The following CLVS1 variants were observed in gnomAD, a reference collection of about 807,000 sequenced individuals.
CLVS1 encodes clavesin 1.
A neutral mutation model predicts 33.1 loss-of-function variants in CLVS1; 10 were observed. That is an observed-to-expected ratio of 0.30 (90% CI 0.19 to 0.51). CLVS1 has a LOEUF of 0.51. Among genes scored for constraint, CLVS1 ranks in the 20% least tolerant of loss-of-function variants. The pLI is 0.97. For missense variants in CLVS1, 343 were observed against 433.4 expected, an observed-to-expected ratio of 0.79 and a Z score of 1.85; for synonymous variants, 163 against 166.1, an observed-to-expected ratio of 0.98 and a Z score of 0.14.
intron 2 of CLVS1, among the ~76,000 whole-genome samples, chr8:61,194,195 T>C (rs1807553970): frequency 6.6e-6 from 1 of 152,086 alleles, no homozygotes; most frequent in Non-Finnish European, 1.5e-5. Context: ...GGTACATTTA[T>C]CCTAATGTAC....
Position 61,299,909 on chromosome 8 carries a change from G to C in CLVS1, c.82G>C (p.Ala28Pro). The change falls in exon 2 of 6, where the codon GCT becomes CCT. Residue 28 changes from alanine (A) to proline (P), a missense_variant. Transcript: ENST00000325897. The stretch of plus-strand genomic sequence containing the variant: ...TTTGGCCAAGATGACCCATTTACAG[G>C]CTGGACTCAGTCCAGAGACTATAGA... ...GDLAKMTHLQAGLSPETIEKA... is the reference protein window; with the variant it reads ...GDLAKMTHLQPGLSPETIEKA... 6.2e-7 allele frequency: 1 copy of C among 1,613,864 alleles called. No homozygotes were observed. The highest frequency in any genetic ancestry group is 8.5e-7 in the Non-Finnish European group (1 of 1,179,840).
the CLVS1 span, among the ~76,000 whole-genome samples, chr8:61,012,477 T>C: frequency 2.0e-5 from 3 of 152,244 alleles, no homozygotes; most frequent in African/African-American, 7.2e-5. Context: ...GTGAAGGAGA[T>C]ACAGCCCGAG....
At chr8:61,240,894 GT>G (rs549955338) in intron 2 of CLVS1, among the ~76,000 whole-genome samples, 283 of 130,562 alleles carry the variant, frequency 2.2e-3, no homozygotes, top group Admixed American at 2.3e-3. Flanking sequence ...TTTGCTGTAG[GT>G]TTTTTTTTTT....
chr8:61,307,901 A>G (rs1208611118), intron 2 of CLVS1, among the ~76,000 whole-genome samples: 2 of 152,036 alleles, frequency 1.3e-5, no homozygotes, highest in South Asian at 2.1e-4. Context: ...CCATGTGTAC[A>G]TATTATTTAG....
the CLVS1 span, among the ~76,000 whole-genome samples, chr8:61,035,299 C>A: frequency 6.6e-6 from 1 of 150,810 alleles, no homozygotes. Context: ...AAAGCTACAT[C>A]ATTCCTGAGA....
chr8:61,148,821 G>T (rs185847004), intron 2 of CLVS1, among the ~76,000 whole-genome samples: 1 of 152,330 alleles, frequency 6.6e-6, no homozygotes, highest in East Asian at 1.9e-4. Context: ...CAAGAGAAAA[G>T]AAGACTGATG....
intron 3 of CLVS1, among the ~76,000 whole-genome samples, chr8:61,424,888 ATC>A (rs1454932635): frequency 6.6e-6 from 1 of 152,228 alleles, no homozygotes; most frequent in Non-Finnish European, 1.5e-5. Flanking sequence ...AAATAAAATT[ATC>A]TCTTTCTCCT....
chr8:61,214,342 G>A (rs374754376), intron 2 of CLVS1, among the ~76,000 whole-genome samples: 40 of 151,960 alleles, frequency 2.6e-4, no homozygotes, highest in African/African-American at 9.7e-4. Context: ...TTTGCGGCTT[G>A]TGGGGCATCA....
chr8:60,970,499 A>G, the CLVS1 span, among the ~76,000 whole-genome samples: 1 of 152,164 alleles, frequency 6.6e-6, no homozygotes, highest in African/African-American at 2.4e-5. Context: ...TTGCAACCTT[A>G]TGTGTCTGAA....
At chr8:60,995,212 G>C in the CLVS1 span, among the ~76,000 whole-genome samples, 5 of 152,138 alleles carry the variant, frequency 3.3e-5, no homozygotes, top group Admixed American at 6.5e-5. Context: ...ACTACCATCA[G>C]AGTGAACAGG....
chr8:61,036,134 C>T, the CLVS1 span, among the ~76,000 whole-genome samples: 13 of 152,184 alleles, frequency 8.5e-5, no homozygotes, highest in Non-Finnish European at 1.3e-4. Context: ...GTTGTCTTAC[C>T]ACTTTAAATG....
intron 5 of CLVS1, among the ~76,000 whole-genome samples, chr8:61,468,323 T>A (rs1817623612): frequency 6.6e-6 from 1 of 152,204 alleles, no homozygotes; most frequent in South Asian, 2.1e-4. Context: ...TATAAGTGTA[T>A]GGTGCATAGA....
chr8:61,232,129 G>T (rs1808459572), intron 2 of CLVS1, among the ~76,000 whole-genome samples: 1 of 145,906 alleles, frequency 6.9e-6, no homozygotes, highest in Non-Finnish European at 1.5e-5. Flanking sequence ...CCACCTCCCG[G>T]GTTCAGGCCA....
At chr8:61,185,144 T>C (rs550871785) in intron 2 of CLVS1, among the ~76,000 whole-genome samples, 23 of 134,362 alleles carry the variant, frequency 1.7e-4, no homozygotes, top group South Asian at 2.3e-4. Flanking sequence ...GAGAGTATAG[T>C]TTTTGTTTTT....
intron 3 of CLVS1, among the ~76,000 whole-genome samples, chr8:61,403,920 G>C (rs1814874307): frequency 6.6e-6 from 1 of 152,090 alleles, no homozygotes; most frequent in East Asian, 1.9e-4. Flanking sequence ...GATCAAGAAG[G>C]CTTCAGGAAA....
the CLVS1 span, among the ~76,000 whole-genome samples, chr8:60,985,982 C>T: frequency 6.6e-6 from 1 of 152,166 alleles, no homozygotes; most frequent in African/African-American, 2.4e-5. Flanking sequence ...CTTTTGATTT[C>T]ATCTTCCCAG....
chr8:61,267,877 T>C (rs1482691697), intron 2 of CLVS1, among the ~76,000 whole-genome samples: 1 of 152,200 alleles, frequency 6.6e-6, no homozygotes, highest in Non-Finnish European at 1.5e-5. Flanking sequence ...AAAATTCAGC[T>C]CACTGCTATT....
At chr8:61,344,551 T>A (rs1812137750) in intron 2 of CLVS1, among the ~76,000 whole-genome samples, 1 of 152,148 alleles carries the variant, frequency 6.6e-6, no homozygotes, top group African/African-American at 2.4e-5. Flanking sequence ...CTGGATAACC[T>A]CTCCCTCTTC....
intron 1 of CLVS1, among the ~76,000 whole-genome samples, chr8:61,091,600 TA>T (rs1211720407): frequency 6.6e-6 from 1 of 152,214 alleles, no homozygotes; most frequent in African/African-American, 2.4e-5. Flanking sequence ...ATAATATTTT[TA>T]AACAAACTAC....
Sources: allele counts gnomAD v4.1 joint callset (sites outside exome capture counted in the v4.1 genomes callset), GRCh38; gene constraint gnomAD v4.1.1; transcripts MANE v1.5; gene names NCBI Gene and HGNC (gene_info 2026-07-23, HGNC 2026-07-21).